Variants in F11R observed in about 807,000 individuals in gnomAD.
F11R encodes the protein F11 receptor, also known as junctional adhesion molecule A.
In F11R, 27 loss-of-function variants were observed where a neutral mutation model predicts 39.3. The ratio of observed to expected loss-of-function variants is 0.69; its 90% CI spans 0.51 to 0.95. The LOEUF is 0.95. Ranked by LOEUF, F11R falls within the 40% of genes least tolerant of loss-of-function variation. The pLI, the probability that F11R is intolerant of heterozygous loss-of-function variation, is 0.00. For synonymous variants in F11R, 131 were observed against 144.9 expected (o/e 0.90, Z 0.69); for missense variants, 335 against 372.7 (o/e 0.90, Z 0.83).
chr1:160,999,218 T>TG (rs3831190), intron 8 of F11R, 127 bp from the exon 9 acceptor site: 1,111,681 of 1,395,302 alleles, frequency 0.8, 445,615 homozygotes, highest in African/African-American at 0.88. Flanking sequence ...CAGGTATGGG[T>TG]GGGGTAACAG....
chr1:160,995,634 C>T lies in F11R; in HGVS notation c.*3237G>A, dbSNP rs1648072961. 6.6e-6 allele frequency: 1 copy of T among 152,208 alleles called. No homozygotes were observed. Among genetic ancestry groups the T allele is most frequent in the Non-Finnish European group, 1.5e-5 (1 of 68,116 alleles). 9.4% of individuals were successfully genotyped at this position (152,208 alleles called of 1,614,324 possible). A position where few individuals can be genotyped will look rare whatever the true frequency, so the allele number is the denominator to read the frequency against. ...GGGCATGGTGGCACACGCCTATAGT[C>T]CCAGCTACTTAGGAGGCTGAGGCAA... On this transcript the variant is annotated 3_prime_UTR_variant, in exon 10 of 10. Coordinates refer to ENST00000368026, the MANE Select transcript of F11R (RefSeq NM_016946.6).
intron 1 of F11R, among the ~76,000 whole-genome samples, chr1:161,013,773 C>T (rs1649296166): frequency 6.6e-6 from 1 of 152,146 alleles, no homozygotes; most frequent in Non-Finnish European, 1.5e-5. Flanking sequence ...AAGACAGGCT[C>T]GCTTTCACTC....
rs758734642 is a variant in F11R at position 161,001,074 on chromosome 1, TC to T, written c.186del (p.Trp62Ter). 6.2e-7 allele frequency: 1 copy of T among 1,613,922 alleles called. No individual in the cohort carries two copies. The highest frequency in any genetic ancestry group is 1.3e-5 in the African/African-American group (1 of 74,952). ...CTGGTGGTGTCTCCTTGGTCAAACTTCCACTCCACACGGGGAGAAGAAAAGC... is the reference window on the plus strand; with the variant it reads ...CTGGTGGTGTCTCCTTGGTCAAACTTCACTCCACACGGGGAGAAGAAAAGC... The part of the protein sequence containing the change: ...YSGFSSPRVE[W>X]KFDQGDTTRL... On this transcript the variant is annotated frameshift_variant, in exon 3 of 10. Coordinates refer to ENST00000368026, the MANE Select transcript of F11R (RefSeq NM_016946.6). LOFTEE classifies it high-confidence loss of function.
intron 1 of F11R, among the ~76,000 whole-genome samples, chr1:161,009,456 A>T (rs1461033710): frequency 7.2e-6 from 1 of 138,004 alleles, no homozygotes; most frequent in Non-Finnish European, 1.6e-5. Flanking sequence ...CCCCATCTGT[A>T]CCAAAAAAAA....
At position 161,015,519 on chromosome 1, in the gene F11R, A is replaced by T. The variant is rs187532690; in HGVS notation, c.64+5491T>A. Among the ~76,000 whole-genome samples the T allele has an allele frequency of 3.3e-3, 502 of 150,644 alleles. 1 individual carries two copies. The highest frequency in any genetic ancestry group is 0.012 in the African/African-American group (484 of 41,022). The stretch of plus-strand genomic sequence containing the variant: ...GGCAGGAGAATCACTTGAACCTGGG[A>T]GGCAGAGTCTGCAGTGAGACAAGAT... On this transcript the variant is annotated intron_variant, in intron 1 of 9. Coordinates refer to ENST00000368026, the MANE Select transcript of F11R (RefSeq NM_016946.6).
chr1:161,010,331 C>T lies in F11R; in HGVS notation c.65-8978G>A, dbSNP rs13374133. Reference sequence around the variant, plus strand: ...TGGTGGCAGGCGCCTGTAATCCCAGCGACTCAGGAGGCTAAGGCAGGAGAA... The same window carrying T: ...TGGTGGCAGGCGCCTGTAATCCCAGTGACTCAGGAGGCTAAGGCAGGAGAA... On this transcript the variant is annotated intron_variant, in intron 1 of 9. Transcript: ENST00000368026. Among the ~76,000 whole-genome samples the T allele has an allele frequency of 8.1e-4, 121 of 149,986 alleles. 1 individual carries two copies. The highest frequency in any genetic ancestry group is 2.8e-3 in the African/African-American group (116 of 40,732).
chr1:160,998,467 CAAGG>C lies in F11R; in HGVS notation c.*400_*403del, dbSNP rs1648255690. 4 of 302,774 alleles carry C rather than the reference CAAGG, an allele frequency of 1.3e-5. No individual in the cohort carries two copies. Among genetic ancestry groups the C allele is most frequent in the Non-Finnish European group, 1.2e-5 (2 of 161,618 alleles). 18.8% of individuals were successfully genotyped at this position (302,774 alleles called of 1,614,324 possible). A position where few individuals can be genotyped will look rare whatever the true frequency, so the allele number is the denominator to read the frequency against. On this transcript the variant is annotated 3_prime_UTR_variant, in exon 10 of 10. Transcript: ENST00000368026. ...ACAGCTGGCCCTGGTCGTCAGTACA[CAAGG>C]AAAGAGCCCAGAACCAAGCTCAAGA...
In F11R at chr1:160,999,737, A is replaced by T; in HGVS notation, c.705T>A (p.Asn235Lys). Residue 235 changes from asparagine to lysine, a missense_variant, in exon 7 of 10, where the codon AAT becomes AAA. By Grantham distance (94) the Asn-to-Lys change is moderately conservative. Coordinates refer to ENST00000368026, the MANE Select transcript of F11R (RefSeq NM_016946.6). ...NAVRMEAVER[N>K]VGVIVAAVLV... ...GGACGGCTGCCACGATGACCCCCAC[A>T]TTCCGCTCCACTGCGAGACACAAAT... is the stretch of plus-strand genomic sequence containing the variant. 1 of 1,614,130 alleles carries T rather than the reference A, an allele frequency of 6.2e-7. No homozygotes were observed.
At chr1:161,010,097 A>G (rs1037164764) in intron 1 of F11R, among the ~76,000 whole-genome samples, 1 of 151,516 alleles carries the variant, frequency 6.6e-6, no homozygotes, top group African/African-American at 2.4e-5. Context: ...ACCATTGAAG[A>G]TTGAAGTACT....
At chr1:161,015,916 C>T (rs970146985) in intron 1 of F11R, among the ~76,000 whole-genome samples, 7 of 151,954 alleles carry the variant, frequency 4.6e-5, no homozygotes, top group African/African-American at 1.7e-4. Context: ...AAAACCATGT[C>T]AATTAACCTA....
chr1:161,004,640 G>A (rs909584713), intron 1 of F11R, among the ~76,000 whole-genome samples: 2 of 152,032 alleles, frequency 1.3e-5, no homozygotes, highest in Admixed American at 6.6e-5. Context: ...GCCAAAGAGT[G>A]GGAGGTTACA....
intron 1 of F11R, 111 bp downstream of exon 1, chr1:161,020,899 T>A: frequency 1.1e-6 from 1 of 917,488 alleles, no homozygotes; most frequent in Non-Finnish European, 1.8e-6. Flanking sequence ...CGCAGAACGA[T>A]ATAGGAAGGT....
chr1:161,000,931 G>A (rs1314439021), intron 3 of F11R, 89 bp downstream of exon 3: 1 of 1,470,410 alleles, frequency 6.8e-7, no homozygotes. Flanking sequence ...GTGTGCCCTG[G>A]GATAAGGGCA....
chr1:161,008,525 C>T (rs753357679), intron 1 of F11R, among the ~76,000 whole-genome samples: 1 of 152,096 alleles, frequency 6.6e-6, no homozygotes, highest in Non-Finnish European at 1.5e-5. Context: ...AAAGTCCATT[C>T]TCCATTCCAC....
At chr1:161,015,845 G>C (rs1649435488) in intron 1 of F11R, among the ~76,000 whole-genome samples, 1 of 152,002 alleles carries the variant, frequency 6.6e-6, no homozygotes, top group African/African-American at 2.4e-5. Context: ...ATTGGGGTTT[G>C]GGGTGAACAG....
intron 1 of F11R, among the ~76,000 whole-genome samples, chr1:161,013,372 CA>C (rs1345343600): frequency 6.6e-6 from 1 of 152,194 alleles, no homozygotes; most frequent in African/African-American, 2.4e-5. Flanking sequence ...TAATCTCTAG[CA>C]CAGTGCTCAG....
At chr1:160,999,296 G>A in intron 8 of F11R, 100 bp downstream of exon 8, 3 of 1,546,764 alleles carry the variant, frequency 1.9e-6, no homozygotes, top group Admixed American at 1.7e-5. Flanking sequence ...CAAACTGGTT[G>A]CTTCTGCCTT....
In F11R at chr1:160,997,003, T is replaced by C. The variant is rs1351920076; in HGVS notation, c.*1868A>G. 1 of 152,344 alleles carries C rather than the reference T, an allele frequency of 6.6e-6. No homozygotes were observed. The highest frequency in any genetic ancestry group is 2.4e-5 in the African/African-American group (1 of 41,456). 9.4% of individuals were successfully genotyped at this position (152,344 alleles called of 1,614,324 possible). ...TAGGATAGGGCAAAGTCGCACTTAGTATATCCTCCACAGAAAGAAAGAAGC... is the reference window on the plus strand; with the variant it reads ...TAGGATAGGGCAAAGTCGCACTTAGCATATCCTCCACAGAAAGAAAGAAGC... On this transcript the variant is annotated 3_prime_UTR_variant, in exon 10 of 10. Transcript: ENST00000368026.
rs1399051536 is a variant in F11R at position 161,021,133 on chromosome 1, G to A, written c.-60C>T. On this transcript the variant is annotated 5_prime_UTR_variant, in exon 1 of 10. Transcript: ENST00000368026. Reference sequence around the variant, plus strand: ...GACTCCTGGGAACAGACACAGCTCCGCGACTACAGCGAGGGGACTGAGAGC... The same window carrying A: ...GACTCCTGGGAACAGACACAGCTCCACGACTACAGCGAGGGGACTGAGAGC... 6.7e-7 allele frequency: 1 copy of A among 1,488,362 alleles called. No individual in the cohort carries two copies. The highest frequency in any genetic ancestry group is 9.3e-7 in the Non-Finnish European group (1 of 1,071,770). The allele number at this position is 1,488,362 out of a possible 1,614,324, so 92.2% of individuals were successfully genotyped here. A position where few individuals can be genotyped will look rare whatever the true frequency, so the allele number is the denominator to read the frequency against.
Sources: gnomAD v4.1 joint callset for allele counts (sites outside exome capture counted in the v4.1 genomes callset) on GRCh38, gnomAD v4.1.1 for gene constraint, MANE v1.5 for transcripts, NCBI Gene and HGNC (gene_info 2026-07-23, HGNC 2026-07-21) for gene names.